DLC1: variants seen among roughly 807,000 people sequenced by gnomAD.
The protein encoded by DLC1 is DLC1 Rho GTPase activating protein.
A neutral mutation model predicts 140.3 loss-of-function variants in DLC1; 54 were observed. That is an observed-to-expected ratio of 0.38 (90% CI 0.31 to 0.48). DLC1 has a LOEUF of 0.48. Ranked by LOEUF, DLC1 falls within the 20% of genes least tolerant of loss-of-function variation. The pLI is 0.96. For synonymous variants in DLC1, 986 were observed against 728.1 expected (o/e 1.35, Z -5.70); for missense variants, 2,536 against 1,907.0 (o/e 1.33, Z -6.14).
chr8:13,398,654 A>G, intron 3 of DLC1, among the ~76,000 whole-genome samples: 1 of 150,980 alleles, frequency 6.6e-6, no homozygotes, highest in East Asian at 2.0e-4. Context: ...GCATGCCTGT[A>G]GTCCCAACTA....
chr8:13,433,186 A>C (rs1838965135), intron 2 of DLC1, among the ~76,000 whole-genome samples: 2 of 152,090 alleles, frequency 1.3e-5, no homozygotes, highest in African/African-American at 2.4e-5. Context: ...TTATGAAAAA[A>C]TGTGCACATT....
intron 1 of DLC1, among the ~76,000 whole-genome samples, chr8:13,578,315 A>C (rs1008842184): frequency 2.6e-5 from 4 of 152,182 alleles, no homozygotes; most frequent in Non-Finnish European, 4.4e-5. Flanking sequence ...ACTGACACCA[A>C]TTCTGAAGGA....
chr8:13,100,336 C>G lies in DLC1; in HGVS notation c.2001G>C (p.Leu667=), dbSNP rs749231500. ...GCTTCAGGCTCTCCATCCGTTTCAG[C>G]AGACTGCGCGTCTTGGACTTGGCAG... The part of the protein sequence containing the change: ...EKTAKSKTRS[L]LKRMESLKLK... The change falls in exon 9 of 18, where the codon CTG becomes CTC. Residue 667 remains leucine (L), a synonymous_variant. Coordinates refer to ENST00000276297, the MANE Select transcript of DLC1 (RefSeq NM_182643.3). 2.5e-6 allele frequency: 4 copies of G among 1,614,196 alleles called. No individual in the cohort carries two copies. The highest frequency in any genetic ancestry group is 3.3e-5 in the Admixed American group (2 of 60,026).
chr8:13,516,757 T>C (rs1802602000), upstream of DLC1, among the ~76,000 whole-genome samples: 1 of 152,218 alleles, frequency 6.6e-6, no homozygotes, highest in Non-Finnish European at 1.5e-5. Context: ...TTTATATTTA[T>C]ATTCAAAGTG....
chr8:13,420,278 G>A (rs912378862), intron 2 of DLC1, among the ~76,000 whole-genome samples: 13 of 152,194 alleles, frequency 8.5e-5, no homozygotes, highest in African/African-American at 2.2e-4. Flanking sequence ...AATGTAGTGT[G>A]TGTCTCCAAG....
rs372698964 is a variant in DLC1 at position 13,100,345 on chromosome 8, C to G, written c.1992G>C (p.Thr664=). ...KGHEKTAKSK[T]RSLLKRMESL... is the part of the protein sequence containing the mutation. ...TCTCCATCCGTTTCAGCAGACTGCG[C>G]GTCTTGGACTTGGCAGTTTTTTCGT... The change falls in exon 9 of 18, where the codon ACG becomes ACC. Residue 664 remains threonine (T), a synonymous_variant. Transcript: ENST00000276297. The G allele has an allele frequency of 6.2e-7, 1 of 1,614,190 alleles. No individual in the cohort carries two copies. Among genetic ancestry groups the G allele is most frequent in the Non-Finnish European group, 8.5e-7 (1 of 1,180,042 alleles).
At chr8:13,382,457 G>A (rs1166419342) in intron 4 of DLC1, among the ~76,000 whole-genome samples, 1 of 130,488 alleles carries the variant, frequency 7.7e-6, no homozygotes, top group Non-Finnish European at 1.6e-5. Context: ...GCAGTGAGCC[G>A]AGATTGCGCC....
chr8:13,195,496 G>T (rs1350353028), intron 5 of DLC1, among the ~76,000 whole-genome samples: 1 of 152,112 alleles, frequency 6.6e-6, no homozygotes. Context: ...TATGATATGA[G>T]GTATAGTTGA....
At chr8:13,530,640 G>C (rs1803064066) in intron 1 of DLC1, among the ~76,000 whole-genome samples, 2 of 152,126 alleles carry the variant, frequency 1.3e-5, no homozygotes, top group African/African-American at 4.8e-5. Flanking sequence ...AACCTGGCAG[G>C]TTGTCTGAAT....
intron 2 of DLC1, among the ~76,000 whole-genome samples, chr8:13,420,945 C>T (rs1838294223): frequency 6.6e-6 from 1 of 152,064 alleles, no homozygotes; most frequent in Admixed American, 6.6e-5. Flanking sequence ...GGAGAAACAT[C>T]AGTTTGAGCT....
intron 4 of DLC1, among the ~76,000 whole-genome samples, chr8:13,338,072 C>T (rs1195703947): frequency 6.6e-6 from 1 of 152,116 alleles, no homozygotes; most frequent in Non-Finnish European, 1.5e-5. Context: ...TCTAAGTTGC[C>T]ATAACATTGC....
chr8:13,106,274 C>G (rs1379313908), intron 7 of DLC1, among the ~76,000 whole-genome samples: 1 of 152,208 alleles, frequency 6.6e-6, no homozygotes, highest in Non-Finnish European at 1.5e-5. Context: ...AAGTAAGACT[C>G]TCACAAATAA....
chr8:13,567,928 G>T (rs185450144), intron 1 of DLC1: 17 of 1,549,466 alleles, frequency 1.1e-5, no homozygotes, highest in Non-Finnish European at 1.4e-5. Context: ...ACCAGAGCTG[G>T]TGATTGTTAA....
chr8:13,163,688 G>A (rs575787448), intron 5 of DLC1, among the ~76,000 whole-genome samples: 4 of 152,082 alleles, frequency 2.6e-5, no homozygotes, highest in Non-Finnish European at 5.9e-5. Context: ...GAGCTAGCTA[G>A]ATCAAGATCT....
Position 13,290,979 on chromosome 8 carries a change from G to A in DLC1, c.1348+14290C>T, listed in dbSNP as rs1438106551. Among the ~76,000 whole-genome samples, 5 of 152,166 alleles carry A rather than the reference G, an allele frequency of 3.3e-5. No homozygotes were observed. In the South Asian group the frequency reaches 8.3e-4, roughly 25 times the overall value. ...GCTGGAGTGCAATGGCGCGATCTTG[G>A]CTCCCTGCAACCTCTGCCTCCCGGG... On this transcript the variant is annotated intron_variant, in intron 5 of 17. Coordinates refer to ENST00000276297, the MANE Select transcript of DLC1 (RefSeq NM_182643.3).
intron 1 of DLC1, among the ~76,000 whole-genome samples, chr8:13,545,234 C>G (rs1447228374): frequency 6.6e-6 from 1 of 151,390 alleles, no homozygotes; most frequent in Non-Finnish European, 1.5e-5. Context: ...GGATATCCTG[C>G]TCAAATTAGA....
intron 5 of DLC1, among the ~76,000 whole-genome samples, chr8:13,265,867 G>A (rs1023299529): frequency 2.0e-5 from 3 of 152,122 alleles, no homozygotes; most frequent in African/African-American, 4.8e-5. Context: ...TATGCACAGG[G>A]TGGTTGGTCA....
At position 13,224,188 on chromosome 8, in the gene DLC1, A is replaced by G. The variant is rs185648811; in HGVS notation, c.1348+81081T>C. Reference sequence around the variant, plus strand: ...ACTATTGATTTACCCACATGAGGCTACTGAAATTCTTTTGGGAAAAAAGAA... The same window carrying G: ...ACTATTGATTTACCCACATGAGGCTGCTGAAATTCTTTTGGGAAAAAAGAA... On this transcript the variant is annotated intron_variant, in intron 5 of 17. Coordinates refer to ENST00000276297, the MANE Select transcript of DLC1 (RefSeq NM_182643.3). Among the ~76,000 whole-genome samples, 106 of 152,362 alleles carry G rather than the reference A, an allele frequency of 7.0e-4. 1 individual carries two copies. The highest frequency in any genetic ancestry group is 7.8e-4 in the Admixed American group (12 of 15,302).
chr8:13,306,558 TTGTGTG>T (rs33946205), intron 4 of DLC1, among the ~76,000 whole-genome samples: 16 of 142,842 alleles, frequency 1.1e-4, no homozygotes, highest in Admixed American at 6.3e-4. Context: ...GTGTGTGTGT[TTGTGTG>T]TGTGTGTGTG....
Sources: gnomAD v4.1 joint callset for allele counts (sites outside exome capture counted in the v4.1 genomes callset) on GRCh38, gnomAD v4.1.1 for gene constraint, MANE v1.5 for transcripts, NCBI Gene and HGNC (gene_info 2026-07-23, HGNC 2026-07-21) for gene names.